Variants in SBF2 observed in about 807,000 individuals in gnomAD.
The protein encoded by SBF2 is SET binding factor 2.
Under a neutral mutation model 225.2 loss-of-function variants are expected in SBF2, and 112 were observed. The ratio of observed to expected loss-of-function variants is 0.50; its 90% confidence interval spans 0.43 to 0.58. The LOEUF (loss-of-function observed/expected upper bound fraction) is 0.58, where lower values mean the gene tolerates loss of function less well. Ranked by LOEUF, SBF2 falls within the 20% of genes least tolerant of loss-of-function variation. The pLI, the probability that SBF2 is intolerant of heterozygous loss-of-function variation, is 0.00. For synonymous variants in SBF2, 763 were observed against 773.3 expected, an observed-to-expected ratio of 0.99 and a Z score of 0.22; for missense variants, 1,996 against 2,206.2, an observed-to-expected ratio of 0.90 and a Z score of 1.91.
At chr11:10,146,156 A>C (rs1954874066) in intron 2 of SBF2, among the ~76,000 whole-genome samples, 1 of 152,196 alleles carries the variant, frequency 6.6e-6, no homozygotes, top group Admixed American at 6.5e-5. Context: ...GCCCAAAGAA[A>C]TTTATAGATT....
intron 2 of SBF2, among the ~76,000 whole-genome samples, chr11:10,150,287 A>G (rs1955111106): frequency 6.6e-6 from 1 of 152,186 alleles, no homozygotes; most frequent in African/African-American, 2.4e-5. Context: ...AACTTAATCC[A>G]AATCAAATAT....
intron 1 of SBF2, among the ~76,000 whole-genome samples, chr11:10,240,212 G>A (rs1031561894): frequency 8.7e-5 from 13 of 150,184 alleles, no homozygotes; most frequent in Admixed American, 2.7e-4. Flanking sequence ...TGAAGTGCAG[G>A]CATAAGTTGC....
intron 32 of SBF2, among the ~76,000 whole-genome samples, chr11:9,799,621 C>T (rs1434172876): frequency 6.6e-6 from 1 of 152,176 alleles, no homozygotes; most frequent in Non-Finnish European, 1.5e-5. Flanking sequence ...CTAGATACCA[C>T]GTTTAGAATC....
At chr11:10,058,660 A>G (rs1950334033) in intron 2 of SBF2, among the ~76,000 whole-genome samples, 1 of 152,186 alleles carries the variant, frequency 6.6e-6, no homozygotes, top group Non-Finnish European at 1.5e-5. Context: ...AAGGAAATAC[A>G]GAGAACTCCT....
At chr11:10,133,257 G>C (rs535564796) in intron 2 of SBF2, among the ~76,000 whole-genome samples, 1 of 129,640 alleles carries the variant, frequency 7.7e-6, no homozygotes, top group South Asian at 2.7e-4. Flanking sequence ...TGGATCCCGC[G>C]TAGGGGCTGC....
At chr11:10,175,869 C>T (rs553512491) in intron 2 of SBF2, among the ~76,000 whole-genome samples, 23 of 151,916 alleles carry the variant, frequency 1.5e-4, no homozygotes, top group African/African-American at 4.6e-4. Context: ...CACTCAAAAC[C>T]GCTCAACTAC....
Position 10,150,804 on chromosome 11 carries a change from A to AT in SBF2, c.141+43097dup, listed in dbSNP as rs1026357876. 2.7e-3 allele frequency among the ~76,000 whole-genome samples: 406 copies of AT among 151,470 alleles called. 4 individuals carry two copies. Among genetic ancestry groups the AT allele is most frequent in the African/African-American group, 8.2e-3 (338 of 41,360 alleles). On this transcript the variant is annotated intron_variant, in intron 2 of 39. Transcript: ENST00000256190. ...TAAATATAAATGGAGGCATTTAGTT[A>AT]TTTTTTTTTCCCTCAAGTCTATATA... is the stretch of plus-strand genomic sequence containing the variant.
intron 16 of SBF2, among the ~76,000 whole-genome samples, chr11:9,930,681 C>T (rs183996269): frequency 3.7e-3 from 561 of 152,300 alleles, no homozygotes; most frequent in African/African-American, 5.5e-3. Flanking sequence ...CCAGCGTGAT[C>T]GATGCAGAAG....
At chr11:10,096,843 T>G (rs1011684986) in intron 2 of SBF2, among the ~76,000 whole-genome samples, 2 of 152,192 alleles carry the variant, frequency 1.3e-5, no homozygotes, top group South Asian at 4.1e-4. Context: ...TTCCAAATTA[T>G]AGTGCTAATC....
At chr11:10,297,340 A>T (rs578205099), upstream of SBF2, among the ~76,000 whole-genome samples, 1 of 152,292 alleles carries the variant, frequency 6.6e-6, no homozygotes, top group South Asian at 2.1e-4. Context: ...GATTAGAGGC[A>T]TGAGCTTCCA....
At chr11:10,191,678 C>G (rs1485620383) in intron 2 of SBF2, among the ~76,000 whole-genome samples, 1 of 152,156 alleles carries the variant, frequency 6.6e-6, no homozygotes, top group African/African-American at 2.4e-5. Flanking sequence ...CTCTTAGCAC[C>G]TCCATTTCAC....
chr11:9,990,809 C>T (rs1383424414), intron 12 of SBF2, among the ~76,000 whole-genome samples: 2 of 152,102 alleles, frequency 1.3e-5, no homozygotes, highest in South Asian at 2.1e-4. Flanking sequence ...CTAACGCAGT[C>T]GAGTGGCTCT....
intron 13 of SBF2, among the ~76,000 whole-genome samples, chr11:9,977,423 G>A (rs1319120592): frequency 6.6e-6 from 1 of 151,392 alleles, no homozygotes; most frequent in Non-Finnish European, 1.5e-5. Flanking sequence ...GGAGGTCAAG[G>A]TTGCAATGAG....
At position 10,259,370 on chromosome 11, in the gene SBF2, T is replaced by C. The variant is rs1253680320; in HGVS notation, c.55+34645A>G. Among the ~76,000 whole-genome samples the C allele has an allele frequency of 2.0e-5, 3 of 152,244 alleles. No individual in the cohort carries two copies. The East Asian group carries it at 5.8e-4, about 29-fold the overall frequency. On this transcript the variant is annotated intron_variant, in intron 1 of 39. Transcript: ENST00000256190. The stretch of plus-strand genomic sequence containing the variant: ...AGGATTAAATGAGCTGTCTGTAAAG[T>C]GCTCTGTACATAGAAAGCACTGAAT...
At chr11:9,796,731 A>G (rs1853148442) in intron 32 of SBF2, among the ~76,000 whole-genome samples, 1 of 152,218 alleles carries the variant, frequency 6.6e-6, no homozygotes, top group African/African-American at 2.4e-5. Flanking sequence ...AGAGAAAGAT[A>G]GTTCAAGTGC....
At chr11:10,175,107 T>C (rs1259568494) in intron 2 of SBF2, among the ~76,000 whole-genome samples, 413 of 149,516 alleles carry the variant, frequency 2.8e-3, no homozygotes, top group Middle Eastern at 7.0e-3. Context: ...CATCAACTAA[T>C]GAGCAAAATA....
rs1318268934 is a variant in SBF2, at chr11:10,303,905, T to C, written n.386+587A>G. Among the ~76,000 whole-genome samples the C allele has an allele frequency of 1.3e-5, 2 of 152,158 alleles. No individual in the cohort carries two copies. Among genetic ancestry groups the C allele is most frequent in the African/African-American group, 4.8e-5 (2 of 41,432 alleles). Reference sequence around the variant, plus strand: ...CAAACGTGTCTAGCGTGATTCATCATGAACAGGCACAAATTCTTTGGGCGG... The same window carrying C: ...CAAACGTGTCTAGCGTGATTCATCACGAACAGGCACAAATTCTTTGGGCGG... On this transcript the variant is annotated intron_variant and non_coding_transcript_variant, in intron 1 of 5. Coordinates refer to the SBF2 transcript ENST00000685217. This position sits in a 1 kb window ranked among gnomAD's most constrained non-coding sequence, Gnocchi z 5.2.
chr11:10,277,357 T>C (rs1238449380), intron 1 of SBF2, among the ~76,000 whole-genome samples: 15 of 152,242 alleles, frequency 9.9e-5, no homozygotes, highest in Admixed American at 9.8e-4. Flanking sequence ...TGGATGCTGA[T>C]TTAACTTGTA....
At chr11:10,112,996 T>C (rs924590346) in intron 2 of SBF2, among the ~76,000 whole-genome samples, 2 of 152,212 alleles carry the variant, frequency 1.3e-5, no homozygotes, top group Non-Finnish European at 2.9e-5. Context: ...TTATTTTATT[T>C]GTTGTTGTTG....
Sources: allele counts gnomAD v4.1 joint callset (sites outside exome capture counted in the v4.1 genomes callset), GRCh38; gene constraint gnomAD v4.1.1; non-coding constraint Gnocchi (gnomAD v3.1); transcripts MANE v1.5; gene names NCBI Gene and HGNC (gene_info 2026-07-23, HGNC 2026-07-21).